Variants in XXYLT1 observed in about 807,000 individuals in gnomAD.
XXYLT1 encodes xyloside xylosyltransferase 1, also known as UDP-xylose:alpha-xyloside alpha-1,3-xylosyltransferase.
Under a neutral mutation model 28.9 loss-of-function variants are expected in XXYLT1, and 20 were observed. The observed-to-expected ratio is 0.69, with a 90% CI of 0.49 to 1.00. The LOEUF (loss-of-function observed/expected upper bound fraction) is 1.00, where lower values mean the gene tolerates loss of function less well. Ranked by LOEUF, XXYLT1 falls within the 50% of genes least tolerant of loss-of-function variation. The probability of loss-of-function intolerance (pLI) is 0.00; values close to 1 mark genes in which losing one functional copy is unlikely to be tolerated. For missense variants in XXYLT1, 542 were observed against 560.1 expected (o/e 0.97, Z 0.33); for synonymous variants, 257 against 253.8 (o/e 1.01, Z -0.12).
In XXYLT1 at chr3:195,115,055, C is replaced by A. The variant is rs574604682; in HGVS notation, c.785+41394G>T. On this transcript the variant is annotated intron_variant, in intron 3 of 3. Coordinates refer to ENST00000310380, the MANE Select transcript of XXYLT1 (RefSeq NM_152531.5). The surrounding 1 kb of genome is among the most constrained non-coding windows in gnomAD (Gnocchi z 4.2). The stretch of plus-strand genomic sequence containing the variant: ...GGTTGCACAGTTGGCTCCTCCCAAA[C>A]CTCCCGTTGATCCTCCTCCTATTGA... Among the ~76,000 whole-genome samples, 1 of 152,244 alleles carries A rather than the reference C, an allele frequency of 6.6e-6. No individual in the cohort carries two copies. The highest frequency in any genetic ancestry group is 2.4e-5 in the African/African-American group (1 of 41,466).
chr3:195,174,093 T>C (rs1560134525), intron 2 of XXYLT1, among the ~76,000 whole-genome samples: 1 of 152,326 alleles, frequency 6.6e-6, no homozygotes, highest in African/African-American at 2.4e-5. Context: ...CTGTAGATCA[T>C]TTCATTGGTC....
chr3:195,251,328 A>G (rs867451479), intron 1 of XXYLT1, among the ~76,000 whole-genome samples: 5 of 152,218 alleles, frequency 3.3e-5, no homozygotes, highest in African/African-American at 1.2e-4. Flanking sequence ...ATGTGACCCC[A>G]TGTGTTTCTG....
At chr3:195,070,158 C>A in intron 3 of XXYLT1, 47 bp from the exon 4 acceptor site, 1 of 1,501,090 alleles carries the variant, frequency 6.7e-7, no homozygotes, top group Non-Finnish European at 8.8e-7. Context: ...GGGGAACCAG[C>A]CTGCCGGCCT....
intron 3 of XXYLT1, among the ~76,000 whole-genome samples, chr3:195,142,380 A>G (rs1390613181): frequency 6.6e-6 from 1 of 152,174 alleles, no homozygotes; most frequent in Non-Finnish European, 1.5e-5. Flanking sequence ...GACTGCTCAC[A>G]CTTTGGTTCC....
At chr3:195,110,492 A>ATAAG (rs1717575570) in intron 3 of XXYLT1, among the ~76,000 whole-genome samples, 1 of 17,466 alleles carries the variant, frequency 5.7e-5, no homozygotes, top group South Asian at 1.6e-3. Flanking sequence ...TATGTGGTGT[A>ATAAG]TGTGTGCATG....
chr3:195,169,083 C>A (rs775129288), intron 2 of XXYLT1, among the ~76,000 whole-genome samples: 1 of 152,216 alleles, frequency 6.6e-6, no homozygotes, highest in South Asian at 2.1e-4. Context: ...GTCTTTTGGG[C>A]GAATGCAGTA....
intron 2 of XXYLT1, among the ~76,000 whole-genome samples, chr3:195,165,834 T>G (rs1314177851): frequency 6.6e-6 from 1 of 152,198 alleles, no homozygotes; most frequent in Non-Finnish European, 1.5e-5. Context: ...TCTAGCATCA[T>G]CTAGGAGATA....
At position 195,107,538 on chromosome 3, in the gene XXYLT1, G is replaced by GAAGGAGGAA. The variant is rs200445183; in HGVS notation, c.786-37428_786-37427insTTCCTCCTT. Among the ~76,000 whole-genome samples, 14 of 10,280 alleles carry GAAGGAGGAA rather than the reference G, an allele frequency of 1.4e-3. 5 individuals carry two copies. The highest frequency in any genetic ancestry group is 2.5e-3 in the Non-Finnish European group (11 of 4,394). The allele number at this position is 10,280 out of a possible 152,430, so 6.7% of individuals were successfully genotyped here. A position where few individuals can be genotyped will look rare whatever the true frequency, so the allele number is the denominator to read the frequency against. On this transcript the variant is annotated intron_variant, in intron 3 of 3. Transcript: ENST00000310380. ...AAGAAGGAGGAGGAAGGAGGAGGAGGGGGAGGAGGAGGGGGAAGAGGGGGA... is the reference window on the plus strand; with the variant it reads ...AAGAAGGAGGAGGAAGGAGGAGGAGGAAGGAGGAAGGGAGGAGGAGGGGGAAGAGGGGGA...
At chr3:195,253,746 G>A (rs923394289) in intron 1 of XXYLT1, among the ~76,000 whole-genome samples, 7 of 151,990 alleles carry the variant, frequency 4.6e-5, no homozygotes, top group African/African-American at 1.2e-4. Context: ...TGATCCGCCC[G>A]CCTCGGCCTC....
intron 2 of XXYLT1, among the ~76,000 whole-genome samples, chr3:195,204,561 G>A (rs1722994738): frequency 6.6e-6 from 1 of 151,904 alleles, no homozygotes; most frequent in Admixed American, 6.5e-5. Flanking sequence ...GCCAGGTCAG[G>A]GATGAATGAC....
intron 1 of XXYLT1, among the ~76,000 whole-genome samples, chr3:195,235,058 CTTTT>C (rs1050462523): frequency 1.5e-4 from 23 of 151,758 alleles, no homozygotes; most frequent in African/African-American, 2.9e-4. Context: ...TTTACTCTTT[CTTTT>C]GTCTCCTCTG....
At chr3:195,182,077 G>C (rs1244655174) in intron 2 of XXYLT1, among the ~76,000 whole-genome samples, 2 of 152,120 alleles carry the variant, frequency 1.3e-5, no homozygotes, top group Admixed American at 1.3e-4. Context: ...TTCACTCATT[G>C]ATCCAACACC....
chr3:195,088,434 C>A (rs181687459), intron 3 of XXYLT1, among the ~76,000 whole-genome samples: 2,562 of 144,234 alleles, frequency 0.018, 194 homozygotes, highest in African/African-American at 0.059. Flanking sequence ...CTCACAGGGC[C>A]GGGTACTCCA....
Position 195,271,159 on chromosome 3 carries a change from T to C in XXYLT1, c.-101A>G, listed in dbSNP as rs1726017448. The C allele has an allele frequency of 6.5e-6, 8 of 1,236,690 alleles. No individual in the cohort carries two copies. The Admixed American group carries it at 1.3e-4, about 20-fold the overall frequency. The allele number at this position is 1,236,690 out of a possible 1,614,324, so 76.6% of individuals were successfully genotyped here. On this transcript the variant is annotated 5_prime_UTR_variant, in exon 1 of 4. An upstream start codon of the reference 5' UTR is lost. Coordinates refer to ENST00000310380, the MANE Select transcript of XXYLT1 (RefSeq NM_152531.5). ...TAGCCCCGGCGCCAGGCGGCGGCCA[T>C]GAAAGGGGCGGGGCCGCGCCGCCTG...
At chr3:195,207,873 G>C (rs1416078184) in intron 2 of XXYLT1, among the ~76,000 whole-genome samples, 2 of 152,138 alleles carry the variant, frequency 1.3e-5, no homozygotes, top group East Asian at 3.9e-4. Flanking sequence ...CTGGCTGCTG[G>C]CCAGAGACAT....
At position 195,271,129 on chromosome 3, in the gene XXYLT1, C is replaced by T. The variant is rs1726016182; in HGVS notation, c.-71G>A. On this transcript the variant is annotated 5_prime_UTR_variant, in exon 1 of 4. Coordinates refer to ENST00000310380, the MANE Select transcript of XXYLT1 (RefSeq NM_152531.5). ...CCCTCGGGTACCCGGACGCCGGCGGCCACTTAGCCCCGGCGCCAGGCGGCG... is the reference window on the plus strand; with the variant it reads ...CCCTCGGGTACCCGGACGCCGGCGGTCACTTAGCCCCGGCGCCAGGCGGCG... 7.9e-7 allele frequency: 1 copy of T among 1,267,144 alleles called. No homozygotes were observed. The highest frequency in any genetic ancestry group is 9.9e-7 in the Non-Finnish European group (1 of 1,008,830). The allele number at this position is 1,267,144 out of a possible 1,614,324, so 78.5% of individuals were successfully genotyped here.
intron 3 of XXYLT1, among the ~76,000 whole-genome samples, chr3:195,116,750 C>T (rs1288680742): frequency 6.6e-6 from 1 of 152,140 alleles, no homozygotes; most frequent in Non-Finnish European, 1.5e-5. Context: ...ATCTCCAGGA[C>T]CAGGTAAAGG....
chr3:195,166,991 T>C (rs1055425005), intron 2 of XXYLT1, among the ~76,000 whole-genome samples: 23 of 152,194 alleles, frequency 1.5e-4, no homozygotes, highest in African/African-American at 5.5e-4. Context: ...GCCAATTATC[T>C]AGTAAAAGTC....
chr3:195,105,469 G>T (rs1019601155), intron 3 of XXYLT1, among the ~76,000 whole-genome samples: 1 of 152,162 alleles, frequency 6.6e-6, no homozygotes, highest in African/African-American at 2.4e-5. Flanking sequence ...TCTGACTTAC[G>T]CCCAAAGGCA....
Sources: allele counts gnomAD v4.1 joint callset (sites outside exome capture counted in the v4.1 genomes callset), GRCh38; gene constraint gnomAD v4.1.1; non-coding constraint Gnocchi (gnomAD v3.1); transcripts MANE v1.5; gene names NCBI Gene and HGNC (gene_info 2026-07-23, HGNC 2026-07-21).